Variants in GPR137C observed in about 807,000 individuals in gnomAD.
GPR137C encodes G protein-coupled receptor 137C.
A neutral mutation model predicts 43.4 loss-of-function variants in GPR137C; 27 were observed. The ratio of observed to expected loss-of-function variants is 0.62; its 90% confidence interval spans 0.46 to 0.86. The LOEUF is 0.86. Among genes scored for constraint, GPR137C ranks in the 40% least tolerant of loss-of-function variants. The probability of loss-of-function intolerance (pLI) is 0.00; values close to 1 mark genes in which losing one functional copy is unlikely to be tolerated. For synonymous variants in GPR137C, 285 were observed against 226.9 expected (o/e 1.26, Z -2.30); for missense variants, 522 against 534.6 (o/e 0.98, Z 0.23).
At chr14:52,605,226 TTC>T (rs112791785) in intron 3 of GPR137C, among the ~76,000 whole-genome samples, 1,750 of 152,292 alleles carry the variant, frequency 0.011, 29 homozygotes, top group African/African-American at 0.039. Context: ...CCTCTTCAAT[TTC>T]TTTCTTCACT....
Position 52,633,905 on chromosome 14 carries a change from T to C in GPR137C, c.1071T>C (p.Ser357=), listed in dbSNP as rs1256128194. ...TCGACAATCCAAGACGATATGATAGTGATGATGACCTGCCAAGACTGGGAA... is the reference window on the plus strand; with the variant it reads ...TCGACAATCCAAGACGATATGATAGCGATGATGACCTGCCAAGACTGGGAA... The part of the protein sequence containing the change: ...YFFDNPRRYD[S]DDDLPRLGSS... Residue 357 remains serine, a synonymous_variant, in exon 6 of 7, where the codon AGT becomes AGC. Transcript: ENST00000321662. The C allele has an allele frequency of 6.2e-7, 1 of 1,611,802 alleles. No homozygotes were observed. The highest frequency in any genetic ancestry group is 8.5e-7 in the Non-Finnish European group (1 of 1,178,166).
rs12431680 is a variant in GPR137C at position 52,598,387 on chromosome 14, T to A, written c.488+72T>A. 5.1e-3 allele frequency: 3,203 copies of A among 633,340 alleles called. 56 individuals are homozygous for A. The highest frequency in any genetic ancestry group is 0.046 in the Admixed American group (1,392 of 30,316). 39.2% of individuals were successfully genotyped at this position (633,340 alleles called of 1,614,324 possible). On this transcript the variant is annotated intron_variant, in intron 2 of 6. Transcript: ENST00000321662. ...TTAATTCATTAATATTAAGGCTTAGTATCTAAAAGATCTAATTTTTTTTAA... is the reference window on the plus strand; with the variant it reads ...TTAATTCATTAATATTAAGGCTTAGAATCTAAAAGATCTAATTTTTTTTAA...
At chr14:52,615,094 AT>A (rs1465077793) in intron 3 of GPR137C, among the ~76,000 whole-genome samples, 1 of 152,196 alleles carries the variant, frequency 6.6e-6, no homozygotes, top group African/African-American at 2.4e-5. Flanking sequence ...GAGGTCTTAG[AT>A]TTAAGTGTTT....
chr14:52,596,360 TAGAC>T (rs948058343), intron 1 of GPR137C, among the ~76,000 whole-genome samples: 1 of 152,238 alleles, frequency 6.6e-6, no homozygotes, highest in African/African-American at 2.4e-5. Context: ...TCCGAGCTGT[TAGAC>T]AGGGACATTT....
At chr14:52,603,412 T>C (rs890652003) in intron 3 of GPR137C, among the ~76,000 whole-genome samples, 5 of 152,162 alleles carry the variant, frequency 3.3e-5, no homozygotes, top group Admixed American at 3.3e-4. Flanking sequence ...AATATGGGAG[T>C]GCACCTGTCT....
chr14:52,609,806 CA>C (rs2039019357), intron 3 of GPR137C, among the ~76,000 whole-genome samples: 1 of 152,166 alleles, frequency 6.6e-6, no homozygotes, highest in Admixed American at 6.5e-5. Flanking sequence ...GTGTGCCTCC[CA>C]GCAGGTATTT....
Position 52,597,321 on chromosome 14 carries a change from C to T in GPR137C, c.445-951C>T, listed in dbSNP as rs141504430. On this transcript the variant is annotated intron_variant, in intron 1 of 6. Coordinates refer to ENST00000321662, the MANE Select transcript of GPR137C (RefSeq NM_001099652.2). Reference sequence around the variant, plus strand: ...CTCTGAGCTCCTAGAGAGCAGAAACCGTGGTCATGTTTATGAATCCATAGC... The same window carrying T: ...CTCTGAGCTCCTAGAGAGCAGAAACTGTGGTCATGTTTATGAATCCATAGC... Among the ~76,000 whole-genome samples the T allele has an allele frequency of 4.6e-5, 7 of 152,226 alleles. No homozygotes were observed. The East Asian group carries it at 1.2e-3, about 25-fold the overall frequency.
intron 1 of GPR137C, among the ~76,000 whole-genome samples, chr14:52,560,912 A>G (rs1286042082): frequency 6.6e-6 from 1 of 152,194 alleles, no homozygotes; most frequent in Non-Finnish European, 1.5e-5. Context: ...TGCAAGACAA[A>G]TAAGAGGCAA....
At chr14:52,623,984 T>C (rs1324336662) in intron 3 of GPR137C, among the ~76,000 whole-genome samples, 1 of 152,030 alleles carries the variant, frequency 6.6e-6, no homozygotes, top group African/African-American at 2.4e-5. Flanking sequence ...TGAAATTCTG[T>C]ATCCACTAAG....
chr14:52,632,336 C>T, intron 4 of GPR137C, 27 bp downstream of exon 4: 1 of 1,548,828 alleles, frequency 6.5e-7, no homozygotes, highest in Non-Finnish European at 8.8e-7. Context: ...TATTGCCAGT[C>T]TAACAATGTG....
chr14:52,629,479 T>C (rs766035724), intron 3 of GPR137C, among the ~76,000 whole-genome samples: 2 of 151,932 alleles, frequency 1.3e-5, no homozygotes, highest in Non-Finnish European at 2.9e-5. Flanking sequence ...TCAGGAAGAG[T>C]TGGTCACTGT....
Position 52,632,341 on chromosome 14 carries a change from A to C in GPR137C, c.867+32A>C, listed in dbSNP as rs759758922. 46 of 1,520,734 alleles carry C rather than the reference A, an allele frequency of 3.0e-5. 2 individuals carry two copies. In the Admixed American group the frequency reaches 8.5e-4, roughly 28 times the overall value. 94.2% of individuals were successfully genotyped at this position (1,520,734 alleles called of 1,614,324 possible). On this transcript the variant is annotated intron_variant, in intron 4 of 6. Transcript: ENST00000321662. Reference sequence around the variant, plus strand: ...ACCTACCACGTATTGCCAGTCTAACAATGTGATAATTAACTTACCCTCATC... The same window carrying C: ...ACCTACCACGTATTGCCAGTCTAACCATGTGATAATTAACTTACCCTCATC...
rs769056681 is a variant in GPR137C at position 52,553,506 on chromosome 14, A to C, written c.359A>C (p.His120Pro). The change falls in exon 1 of 7, where the codon CAC becomes CCC. Residue 120 changes from histidine (H) to proline (P), a missense_variant. Around this residue, in one of 3 missense-constraint regions of GPR137C, gnomAD observed 437 missense variants for 425.7 expected, o/e 1.03. Transcript: ENST00000321662. ...LPLLRPPAHL[H>P]FFPHWLLYCF... ...TTGCTCCGGCCGCCCGCTCACCTGCACTTCTTCCCCCACTGGCTGCTCTAC... is the reference window on the plus strand; with the variant it reads ...TTGCTCCGGCCGCCCGCTCACCTGCCCTTCTTCCCCCACTGGCTGCTCTAC... 3.1e-6 allele frequency: 5 copies of C among 1,609,200 alleles called. No individual in the cohort carries two copies. The Admixed American group carries it at 5.0e-5, about 16-fold the overall frequency.
In GPR137C at chr14:52,553,236, GAGGCGCCGTCGCTGCAGCCTC is replaced by G. The variant is rs1337054580; in HGVS notation, c.98_118del (p.Val33_Ala39del). 8.5e-6 allele frequency: 11 copies of G among 1,299,120 alleles called. No homozygotes were observed. The East Asian group carries it at 9.5e-5, about 11-fold the overall frequency. The allele number at this position is 1,299,120 out of a possible 1,614,324, so 80.5% of individuals were successfully genotyped here. A position where few individuals can be genotyped will look rare whatever the true frequency, so the allele number is the denominator to read the frequency against. ...ACGCCCGGCGGGGGCAGCGGAGGCG[GAGGCGCCGTCGCTGCAGCCTC>G]AGGCGCCGCGGTGCCGGGCTCCGTG... On this transcript the variant is annotated inframe_deletion, in exon 1 of 7. Transcript: ENST00000321662.
At chr14:52,575,307 A>G (rs2038534555) in intron 1 of GPR137C, among the ~76,000 whole-genome samples, 1 of 152,210 alleles carries the variant, frequency 6.6e-6, no homozygotes, top group Non-Finnish European at 1.5e-5. Flanking sequence ...AGGTTGGAGG[A>G]TCGCTTGAGC....
At chr14:52,599,121 C>G (rs867940509) in intron 2 of GPR137C, among the ~76,000 whole-genome samples, 56 of 152,224 alleles carry the variant, frequency 3.7e-4, no homozygotes, top group Admixed American at 2.9e-3. Flanking sequence ...TGTGTTTGAA[C>G]TGGGATTACG....
chr14:52,616,898 A>T (rs757916883), intron 3 of GPR137C, among the ~76,000 whole-genome samples: 4 of 152,214 alleles, frequency 2.6e-5, no homozygotes, highest in Admixed American at 1.3e-4. Flanking sequence ...CTTTGACACC[A>T]TACTTTGGCC....
chr14:52,628,141 G>T (rs62005398), intron 3 of GPR137C, among the ~76,000 whole-genome samples: 3 of 152,150 alleles, frequency 2.0e-5, no homozygotes, highest in Non-Finnish European at 4.4e-5. Flanking sequence ...TTAAGACAGC[G>T]TGCTACTGAC....
chr14:52,623,278 C>T (rs1021347150), intron 3 of GPR137C, among the ~76,000 whole-genome samples: 1 of 151,996 alleles, frequency 6.6e-6, no homozygotes, highest in Non-Finnish European at 1.5e-5. Flanking sequence ...CAGTGAATTT[C>T]TGTATAATTG....
Sources: gnomAD v4.1 joint callset for allele counts (sites outside exome capture counted in the v4.1 genomes callset) on GRCh38, gnomAD v4.1.1 for gene constraint, gnomAD v4.1.1 regional missense constraint, MANE v1.5 for transcripts, NCBI Gene and HGNC (gene_info 2026-07-23, HGNC 2026-07-21) for gene names.